The following RASGRF1 variants were observed in gnomAD, a reference collection of about 807,000 sequenced individuals.
RASGRF1 encodes the protein Ras protein specific guanine nucleotide releasing factor 1, also known as ras-specific guanine nucleotide-releasing factor 1.
RASGRF1 carries 40 observed loss-of-function variants against 138.7 expected under a neutral mutation model. The observed-to-expected ratio is 0.29, with a 90% confidence interval of 0.22 to 0.38. The LOEUF (loss-of-function observed/expected upper bound fraction) is 0.38. Ranked by LOEUF, RASGRF1 falls within the 10% of genes least tolerant of loss-of-function variation. RASGRF1 has a pLI of 1.00. For synonymous variants in RASGRF1, 614 were observed against 663.2 expected, an observed-to-expected ratio of 0.93 and a Z score of 1.14; for missense variants, 1,108 against 1,650.4, an observed-to-expected ratio of 0.67 and a Z score of 5.69.
intron 1 of RASGRF1, among the ~76,000 whole-genome samples, chr15:79,072,267 C>CTGTTTTTTTTTTTTTT (rs2057767985): frequency 1.6e-5 from 1 of 61,576 alleles, no homozygotes; most frequent in Non-Finnish European, 3.0e-5. Context: ...GATAAACAAT[C>CTGTTTTTTTTTTTTTT]TTTTTTTTTT....
chr15:79,068,571 CAT>C (rs1182022482), intron 1 of RASGRF1, among the ~76,000 whole-genome samples: 6 of 146,578 alleles, frequency 4.1e-5, no homozygotes, highest in East Asian at 2.0e-4. Flanking sequence ...ATCGATGTAT[CAT>C]ATATATATAC....
intron 13 of RASGRF1, chr15:79,012,555 G>A: frequency 6.2e-7 from 1 of 1,614,034 alleles, no homozygotes. Context: ...CTTTAGATTG[G>A]TAAGCAGATG....
chr15:79,073,218 G>C lies in RASGRF1; in HGVS notation c.277-8692C>G, dbSNP rs1343085058. 6.6e-6 allele frequency among the ~76,000 whole-genome samples: 1 copy of C among 151,976 alleles called. No individual in the cohort carries two copies. Among genetic ancestry groups the C allele is most frequent in the Non-Finnish European group, 1.5e-5 (1 of 68,006 alleles). On this transcript the variant is annotated intron_variant, in intron 1 of 26. Coordinates refer to ENST00000558480, the MANE Select transcript of RASGRF1 (RefSeq NM_001145648.3). The surrounding 1 kb of genome is among the most constrained non-coding windows in gnomAD (Gnocchi z 4.2). The stretch of plus-strand genomic sequence containing the variant: ...CAGGCCTACTAGAGTTGCTGGAATA[G>C]ATCTAGTATCCCCCGCAGTCCTCCA...
rs1314841788 is a variant in RASGRF1 at position 78,985,218 on chromosome 15, C to T, written c.3217-14G>A. 2.6e-6 allele frequency: 4 copies of T among 1,567,696 alleles called. No homozygotes were observed. The highest frequency in any genetic ancestry group is 2.6e-6 in the Non-Finnish European group (3 of 1,139,612). Reference sequence around the variant, plus strand: ...CAAGTTACTGATCTTTAAGCCGATGCAATAAGACAGGGAAAAAGAGGAGTA... The same window carrying T: ...CAAGTTACTGATCTTTAAGCCGATGTAATAAGACAGGGAAAAAGAGGAGTA... On this transcript the variant is annotated splice_polypyrimidine_tract_variant and intron_variant, in intron 22 of 26. Transcript: ENST00000558480.
intron 1 of RASGRF1, among the ~76,000 whole-genome samples, chr15:79,074,604 T>A (rs1383350789): frequency 6.6e-6 from 1 of 152,152 alleles, no homozygotes; most frequent in East Asian, 1.9e-4. Context: ...CTCACTAGCC[T>A]GCATGGGCCA....
chr15:79,031,957 G>C (rs1172468799), intron 7 of RASGRF1, among the ~76,000 whole-genome samples, 166 bp downstream of exon 7: 1 of 152,098 alleles, frequency 6.6e-6, no homozygotes, highest in African/African-American at 2.4e-5. Flanking sequence ...CCCACAGTCA[G>C]CTTGCCCTGC....
chr15:79,015,136 C>G lies in RASGRF1; in HGVS notation c.1826+191G>C, dbSNP rs1172928042. Among the ~76,000 whole-genome samples the G allele has an allele frequency of 2.0e-5, 3 of 151,830 alleles. No homozygotes were observed. In the East Asian group the frequency reaches 5.8e-4, roughly 29 times the overall value. ...AAAAAAAAAACCCAAAAAACTAAGC[C>G]AAAGCAATCATCCAAATAGCAATCA... On this transcript the variant is annotated intron_variant, in intron 13 of 26. Transcript: ENST00000558480.
intron 6 of RASGRF1, among the ~76,000 whole-genome samples, chr15:79,034,827 C>T (rs2057195585): frequency 6.6e-6 from 1 of 152,188 alleles, no homozygotes; most frequent in South Asian, 2.1e-4. Flanking sequence ...CTTTGGGAAG[C>T]AGAACTATGC....
At chr15:79,081,592 C>A (rs922060997) in intron 1 of RASGRF1, among the ~76,000 whole-genome samples, 2 of 152,156 alleles carry the variant, frequency 1.3e-5, no homozygotes, top group African/African-American at 4.8e-5. Flanking sequence ...TAATCACCCC[C>A]CACACCCCAG....
chr15:79,030,189 G>A (rs1333954810), intron 8 of RASGRF1, among the ~76,000 whole-genome samples: 2 of 152,182 alleles, frequency 1.3e-5, no homozygotes, highest in Admixed American at 1.3e-4. Flanking sequence ...ACCCAGCTGG[G>A]AGCTGTGGCC....
intron 5 of RASGRF1, among the ~76,000 whole-genome samples, chr15:79,036,522 G>T (rs1383538849): frequency 6.6e-6 from 1 of 152,224 alleles, no homozygotes; most frequent in African/African-American, 2.4e-5. Context: ...TGTGCTCTGA[G>T]GCAGCCCTCC....
chr15:78,998,212 C>T lies in RASGRF1; in HGVS notation c.2854-4G>A. The T allele has an allele frequency of 3.1e-6, 5 of 1,612,992 alleles. No homozygotes were observed. The highest frequency in any genetic ancestry group is 4.2e-6 in the Non-Finnish European group (5 of 1,178,942). On this transcript the variant is annotated splice_polypyrimidine_tract_variant and splice_region_variant and intron_variant, in intron 18 of 26. Transcript: ENST00000558480. ...GCTCATCGTTGGTCTCAAAGTCCTG[C>T]CGGGAAGGTGTGATGGGTGGCTCTG...
chr15:79,088,386 A>C (rs1174793032), intron 1 of RASGRF1, among the ~76,000 whole-genome samples: 2 of 152,214 alleles, frequency 1.3e-5, no homozygotes, highest in African/African-American at 2.4e-5. Flanking sequence ...TAGGGCTCTC[A>C]AAACCCCAGA....
Position 79,027,821 on chromosome 15 carries a change from C to T in RASGRF1, c.1301G>A (p.Arg434Gln), listed in dbSNP as rs1212733714. 2.5e-6 allele frequency: 4 copies of T among 1,614,204 alleles called. No homozygotes were observed. The highest frequency in any genetic ancestry group is 2.2e-5 in the East Asian group (1 of 44,884). ...CATGCGCTCGATGGCCAGGTTTTTC[C>T]GGATGTTCTCCGTCTCACTTACTTC... ...HDEVSETENI[R>Q]KNLAIERMII... The change falls in exon 9 of 27, where the codon CGG becomes CAG. Residue 434 changes from arginine to glutamine, a missense_variant. By Grantham distance (43) the Arg-to-Gln change is conservative (BLOSUM62 1). Coordinates refer to ENST00000558480, the MANE Select transcript of RASGRF1 (RefSeq NM_001145648.3). This position sits in a 1 kb window ranked among gnomAD's most constrained non-coding sequence, Gnocchi z 4.8.
chr15:79,005,078 T>C (rs1458209530), intron 14 of RASGRF1: 1 of 985,388 alleles, frequency 1.0e-6, no homozygotes, highest in South Asian at 4.7e-5. Flanking sequence ...AGGGGGTAAA[T>C]CCATCCTGGA....
intron 20 of RASGRF1, among the ~76,000 whole-genome samples, chr15:78,995,088 C>T (rs553878279): frequency 7.9e-5 from 12 of 151,980 alleles, no homozygotes; most frequent in Non-Finnish European, 2.9e-5. Context: ...CCACCATGCC[C>T]GGGTAATTTT....
intron 3 of RASGRF1, among the ~76,000 whole-genome samples, chr15:79,056,510 G>A (rs966348822): frequency 1.3e-5 from 2 of 152,188 alleles, no homozygotes; most frequent in Non-Finnish European, 2.9e-5. Flanking sequence ...AAGCAGACAG[G>A]AGACCTGGGT....
At chr15:79,064,340 T>G in intron 2 of RASGRF1, 80 bp downstream of exon 2, 2 of 1,357,036 alleles carry the variant, frequency 1.5e-6, no homozygotes, top group Non-Finnish European at 2.1e-6. Context: ...GGGCTTGGCT[T>G]TGTTCAAAGG....
At chr15:79,044,649 T>C (rs2057335743) in intron 5 of RASGRF1, among the ~76,000 whole-genome samples, 1 of 152,182 alleles carries the variant, frequency 6.6e-6, no homozygotes, top group Admixed American at 6.5e-5. Context: ...TTTAGGTAAA[T>C]CTTTCCAGTT....
Sources: allele counts gnomAD v4.1 joint callset (sites outside exome capture counted in the v4.1 genomes callset), GRCh38; gene constraint gnomAD v4.1.1; non-coding constraint Gnocchi (gnomAD v3.1); transcripts MANE v1.5; gene names NCBI Gene and HGNC (gene_info 2026-07-23, HGNC 2026-07-21).